FAM118B: variants seen among roughly 807,000 people sequenced by gnomAD.
The protein encoded by FAM118B is protein FAM118B.
A neutral mutation model predicts 38.5 loss-of-function variants in FAM118B; 24 were observed. The observed-to-expected ratio is 0.62, with a 90% CI of 0.45 to 0.88. FAM118B has a LOEUF of 0.88. Among genes scored for constraint, FAM118B ranks in the 40% least tolerant of loss-of-function variants. FAM118B has a pLI of 0.00. For missense variants in FAM118B, 334 were observed against 420.0 expected, an observed-to-expected ratio of 0.80 and a Z score of 1.79; for synonymous variants, 138 against 156.3, an observed-to-expected ratio of 0.88 and a Z score of 0.87.
chr11:126,261,767 T>C (rs544239916), intron 8 of FAM118B, among the ~76,000 whole-genome samples: 194 of 152,298 alleles, frequency 1.3e-3, no homozygotes, highest in African/African-American at 4.2e-3. Flanking sequence ...GGCAGGAGGA[T>C]TGCTTGAGCC....
intron 4 of FAM118B, among the ~76,000 whole-genome samples, chr11:126,246,325 A>G (rs899376228): frequency 6.6e-6 from 1 of 152,180 alleles, no homozygotes; most frequent in African/African-American, 2.4e-5. Flanking sequence ...AGGCCTATCT[A>G]CCGAGCCAGT....
intron 1 of FAM118B, among the ~76,000 whole-genome samples, chr11:126,227,906 C>T (rs1950163805): frequency 6.7e-6 from 1 of 150,296 alleles, no homozygotes; most frequent in Non-Finnish European, 1.5e-5. Context: ...CTCCAGTGAT[C>T]CTCCCAACTC....
intron 7 of FAM118B, among the ~76,000 whole-genome samples, chr11:126,258,866 C>T (rs1225499122): frequency 6.6e-6 from 1 of 152,218 alleles, no homozygotes; most frequent in Non-Finnish European, 1.5e-5. Flanking sequence ...TAGACTGTTG[C>T]ATTACATAAC....
At position 126,250,250 on chromosome 11, in the gene FAM118B, C is replaced by A. The variant is rs950555367; in HGVS notation, c.340-256C>A. Among the ~76,000 whole-genome samples, 6 of 152,100 alleles carry A rather than the reference C, an allele frequency of 3.9e-5. No individual in the cohort carries two copies. Among genetic ancestry groups the A allele is most frequent in the African/African-American group, 1.4e-4 (6 of 41,432 alleles). On this transcript the variant is annotated intron_variant, in intron 4 of 8. Transcript: ENST00000533050. The surrounding 1 kb of genome is among the most constrained non-coding windows in gnomAD (Gnocchi z 5.1). ...GGGACTACAGGCGCCTGTCACCACG[C>A]CCTGCTAATTTTTTTTATTTTTAGT...
In FAM118B at chr11:126,251,040, A is replaced by G. The variant is rs542217531; in HGVS notation, c.567+307A>G. Among the ~76,000 whole-genome samples the G allele has an allele frequency of 1.2e-4, 18 of 152,344 alleles. No individual in the cohort carries two copies. In the South Asian group the frequency reaches 3.5e-3, roughly 30 times the overall value. On this transcript the variant is annotated intron_variant, in intron 5 of 8. Transcript: ENST00000533050. ...AGCACTTGACAGTATTCAGTGGTGT[A>G]ATATTGATAATGCTGGTTCTATTTT...
intron 4 of FAM118B, among the ~76,000 whole-genome samples, chr11:126,245,707 A>T (rs1051625844): frequency 4.6e-5 from 7 of 152,076 alleles, no homozygotes; most frequent in Non-Finnish European, 8.8e-5. Context: ...AAAAAGAAAA[A>T]AAAATGAGGC....
rs1444577924 is a variant in FAM118B at position 126,244,131 on chromosome 11, G to C, written c.339+3087G>C. Among the ~76,000 whole-genome samples the C allele has an allele frequency of 1.3e-5, 2 of 152,142 alleles. No individual in the cohort carries two copies. Among genetic ancestry groups the C allele is most frequent in the Admixed American group, 1.3e-4 (2 of 15,260 alleles). ...AAAGACCGTATATGAAAAACTCACA[G>C]TTAACATATTTAATGGTGAAAGACT... On this transcript the variant is annotated intron_variant, in intron 4 of 8. Coordinates refer to ENST00000533050, the MANE Select transcript of FAM118B (RefSeq NM_024556.4). The surrounding 1 kb of genome is among the most constrained non-coding windows in gnomAD (Gnocchi z 4.5).
intron 2 of FAM118B, chr11:126,233,584 A>G: frequency 2.7e-6 from 1 of 371,870 alleles, no homozygotes; most frequent in Non-Finnish European, 5.2e-6. Flanking sequence ...CCTGAGCCCC[A>G]GCTTTCTCAC....
intron 1 of FAM118B, chr11:126,214,355 A>G (rs1228662243): frequency 6.7e-6 from 1 of 149,618 alleles, no homozygotes; most frequent in Non-Finnish European, 1.5e-5. Flanking sequence ...TCCATCTCAA[A>G]AAAAAAAAAA....
intron 5 of FAM118B, among the ~76,000 whole-genome samples, chr11:126,251,562 G>A (rs778733988): frequency 2.0e-5 from 3 of 152,106 alleles, no homozygotes; most frequent in African/African-American, 4.8e-5. Context: ...AGTGTCTTCC[G>A]CCTACGCCCT....
intron 4 of FAM118B, among the ~76,000 whole-genome samples, chr11:126,241,529 G>A (rs1289225395): frequency 6.6e-6 from 1 of 152,004 alleles, no homozygotes; most frequent in Non-Finnish European, 1.5e-5. Flanking sequence ...TCCCTGTCTT[G>A]CTTTGTCTGA....
At chr11:126,247,017 G>C (rs1330030352) in intron 4 of FAM118B, among the ~76,000 whole-genome samples, 1 of 152,194 alleles carries the variant, frequency 6.6e-6, no homozygotes, top group African/African-American at 2.4e-5. Context: ...AATTAGCCTA[G>C]TGTGGTGGTA....
intron 3 of FAM118B, 123 bp from the exon 4 acceptor site, chr11:126,240,669 T>C: frequency 1.0e-6 from 1 of 976,084 alleles, no homozygotes; most frequent in Non-Finnish European, 1.5e-6. Flanking sequence ...TGTCAAAAAC[T>C]GCTGTTCATC....
chr11:126,249,751 AAAAG>A (rs1197967376), intron 4 of FAM118B, among the ~76,000 whole-genome samples: 1 of 149,550 alleles, frequency 6.7e-6, no homozygotes, highest in Admixed American at 6.7e-5. Context: ...AAAAAAAAAA[AAAAG>A]AAAAAGAAAA....
At position 126,256,469 on chromosome 11, in the gene FAM118B, G is replaced by T; in HGVS notation, c.697-98G>T. 9.1e-7 allele frequency: 1 copy of T among 1,098,934 alleles called. No individual in the cohort carries two copies. Among genetic ancestry groups the T allele is most frequent in the Non-Finnish European group, 1.3e-6 (1 of 764,766 alleles). The allele number at this position is 1,098,934 out of a possible 1,614,324, so 68.1% of individuals were successfully genotyped here. The stretch of plus-strand genomic sequence containing the variant: ...CAACCCACTTAAGTCTTGCTTAATT[G>T]GTCATCACAGTCTGCTCAACGTAGC... On this transcript the variant is annotated intron_variant, in intron 6 of 8. Transcript: ENST00000533050. The surrounding 1 kb of genome is among the most constrained non-coding windows in gnomAD (Gnocchi z 6.6).
rs71048770 is a variant in FAM118B, at chr11:126,214,514, G to GTTTTTTTTTTTTTTTTTTT, written c.-77+2697_-77+2698insTTTTTTTTTTTTTTTTTTT. 3 of 41,494 alleles carry GTTTTTTTTTTTTTTTTTTT rather than the reference G, an allele frequency of 7.2e-5. 1 individual carries two copies. The highest frequency in any genetic ancestry group is 1.1e-4 in the Non-Finnish European group (2 of 18,824). 2.6% of individuals were successfully genotyped at this position (41,494 alleles called of 1,614,324 possible). ...TGTTTTTTTTTTTTGTTTTTTTTTT[G>GTTTTTTTTTTTTTTTTTTT]TTTTTTTTTTTTTACCTCTATATTG... On this transcript the variant is annotated intron_variant, in intron 1 of 8. Transcript: ENST00000533050.
At chr11:126,215,434 TAC>T (rs1490595481) in intron 1 of FAM118B, among the ~76,000 whole-genome samples, 2 of 152,154 alleles carry the variant, frequency 1.3e-5, no homozygotes, top group Non-Finnish European at 2.9e-5. Context: ...CGCGGTGGCT[TAC>T]GCCTGTAACC....
intron 5 of FAM118B, 117 bp from the exon 6 acceptor site, chr11:126,254,188 T>G: frequency 1.6e-6 from 2 of 1,256,022 alleles, no homozygotes; most frequent in Non-Finnish European, 2.2e-6. Flanking sequence ...TCCTATATCA[T>G]GAAGCTAGAG....
At chr11:126,254,461 A>T (rs1326650081) in intron 6 of FAM118B, 28 bp downstream of exon 6, 1 of 1,611,934 alleles carries the variant, frequency 6.2e-7, no homozygotes, top group South Asian at 1.1e-5. Flanking sequence ...TGCTGGTCTC[A>T]GGAACTCCTT....
Sources: allele counts gnomAD v4.1 joint callset (sites outside exome capture counted in the v4.1 genomes callset), GRCh38; gene constraint gnomAD v4.1.1; non-coding constraint Gnocchi (gnomAD v3.1); transcripts MANE v1.5; gene names NCBI Gene and HGNC (gene_info 2026-07-23, HGNC 2026-07-21).